Variants in STXBP5L observed in about 807,000 individuals in gnomAD.
STXBP5L encodes syntaxin-binding protein 5-like.
Under a neutral mutation model 144.5 loss-of-function variants are expected in STXBP5L, and 65 were observed. The observed-to-expected ratio is 0.45, with a 90% CI of 0.37 to 0.55. The LOEUF is 0.55. Among genes scored for constraint, STXBP5L ranks in the 20% least tolerant of loss-of-function variants. The pLI is 0.00. For missense variants in STXBP5L, 1,298 were observed against 1,405.5 expected, an observed-to-expected ratio of 0.92 and a Z score of 1.22; for synonymous variants, 505 against 469.6, an observed-to-expected ratio of 1.08 and a Z score of -0.97.
intron 22 of STXBP5L, among the ~76,000 whole-genome samples, chr3:121,394,960 C>G (rs1464300501): frequency 6.6e-6 from 1 of 151,896 alleles, no homozygotes. Context: ...GTATTATTAT[C>G]AAAAATAAAA....
chr3:121,368,672 C>T lies in STXBP5L; in HGVS notation c.2177-10044C>T, dbSNP rs148783248. On this transcript the variant is annotated intron_variant, in intron 20 of 26. Transcript: ENST00000471454. ...GCTTTAGGTTTTATTTATTAATTTGCTTTATAGTTGTAATCTGTCTCTGTG... is the reference window on the plus strand; with the variant it reads ...GCTTTAGGTTTTATTTATTAATTTGTTTTATAGTTGTAATCTGTCTCTGTG... Among the ~76,000 whole-genome samples the T allele has an allele frequency of 2.7e-3, 413 of 151,952 alleles. 3 individuals carry two copies. Among genetic ancestry groups the T allele is most frequent in the African/African-American group, 9.0e-3 (372 of 41,468 alleles).
chr3:121,008,353 A>G (rs1037939819), intron 3 of STXBP5L, among the ~76,000 whole-genome samples: 4 of 151,930 alleles, frequency 2.6e-5, no homozygotes, highest in Admixed American at 6.6e-5. Context: ...TGTAATTCTT[A>G]TATCCCCTTG....
chr3:120,965,759 G>A (rs1294170883), intron 3 of STXBP5L, among the ~76,000 whole-genome samples: 1 of 152,098 alleles, frequency 6.6e-6, no homozygotes, highest in East Asian at 1.9e-4. Context: ...GTGTCTTGGG[G>A]TTGCTCTTCT....
rs1262307210 is a variant in STXBP5L at position 121,293,326 on chromosome 3, A to C, written c.2110+13370A>C. ...ATTGCCTGGGAATGGGAAGGGACAC[A>C]TATGGTGAGGGCTGGAAGAGAGGGT... is the stretch of plus-strand genomic sequence containing the variant. On this transcript the variant is annotated intron_variant, in intron 19 of 26. Transcript: ENST00000471454. Among the ~76,000 whole-genome samples the C allele has an allele frequency of 2.0e-5, 3 of 152,312 alleles. No homozygotes were observed. In the East Asian group the frequency reaches 5.8e-4, roughly 29 times the overall value.
chr3:121,297,200 ATATG>A (rs1443308373), intron 19 of STXBP5L, among the ~76,000 whole-genome samples: 2 of 68,824 alleles, frequency 2.9e-5, no homozygotes, highest in Admixed American at 1.8e-4. Flanking sequence ...ATTCTACATT[ATATG>A]TGTGTGTGTG....
intron 5 of STXBP5L, among the ~76,000 whole-genome samples, chr3:121,046,160 T>C (rs965155436): frequency 6.6e-6 from 1 of 152,214 alleles, no homozygotes; most frequent in Non-Finnish European, 1.5e-5. Context: ...ATGTAGTAGA[T>C]CGCATTTATG....
At chr3:121,344,808 G>T (rs1254926019) in intron 20 of STXBP5L, among the ~76,000 whole-genome samples, 2 of 151,610 alleles carry the variant, frequency 1.3e-5, no homozygotes, top group Non-Finnish European at 2.9e-5. Flanking sequence ...GAAATCAATT[G>T]ATACTATACA....
intron 3 of STXBP5L, among the ~76,000 whole-genome samples, chr3:120,974,541 G>A (rs766206665): frequency 1.3e-5 from 2 of 151,952 alleles, no homozygotes; most frequent in Non-Finnish European, 2.9e-5. Flanking sequence ...AAGCTCTTTA[G>A]TTTAATTAGA....
intron 10 of STXBP5L, among the ~76,000 whole-genome samples, chr3:121,222,679 G>A (rs1224719289): frequency 6.6e-6 from 1 of 152,078 alleles, no homozygotes; most frequent in Admixed American, 6.6e-5. Context: ...TTTAGAGTTT[G>A]GGAACCAAGT....
chr3:121,083,800 T>C (rs2042362305), intron 5 of STXBP5L, among the ~76,000 whole-genome samples: 1 of 152,216 alleles, frequency 6.6e-6, no homozygotes, highest in Non-Finnish European at 1.5e-5. Flanking sequence ...ACAGGGATAT[T>C]CAGCCTATTT....
At chr3:121,228,625 C>T (rs1273294236) in intron 11 of STXBP5L, among the ~76,000 whole-genome samples, 2 of 152,122 alleles carry the variant, frequency 1.3e-5, no homozygotes, top group Non-Finnish European at 2.9e-5. Context: ...GCCTGTAATC[C>T]CAACACTTTG....
intron 7 of STXBP5L, among the ~76,000 whole-genome samples, chr3:121,139,526 T>G (rs1024711058): frequency 6.6e-6 from 1 of 152,092 alleles, no homozygotes; most frequent in African/African-American, 2.4e-5. Context: ...CTAGGCAATG[T>G]GGCTCAGAGT....
chr3:121,272,677 ATT>A (rs2108422842), intron 18 of STXBP5L, among the ~76,000 whole-genome samples: 1 of 152,214 alleles, frequency 6.6e-6, no homozygotes, highest in Admixed American at 6.5e-5. Flanking sequence ...TTTTTAATGG[ATT>A]CTTTGTCCTT....
intron 9 of STXBP5L, among the ~76,000 whole-genome samples, chr3:121,196,178 T>G (rs2108191691): frequency 6.6e-6 from 1 of 152,206 alleles, no homozygotes; most frequent in African/African-American, 2.4e-5. Flanking sequence ...TTTTTTTTTT[T>G]TAAGACAGTC....
chr3:121,013,746 A>G (rs1944946528), intron 3 of STXBP5L, among the ~76,000 whole-genome samples: 1 of 151,498 alleles, frequency 6.6e-6, no homozygotes, highest in Non-Finnish European at 1.5e-5. Flanking sequence ...TATTTCCTAG[A>G]TTTTCTTCTA....
chr3:121,014,243 T>A (rs1395356742), intron 3 of STXBP5L, among the ~76,000 whole-genome samples: 1 of 152,006 alleles, frequency 6.6e-6, no homozygotes, highest in Non-Finnish European at 1.5e-5. Flanking sequence ...GACATTTTAA[T>A]GATATTAATT....
chr3:121,401,760 G>GAA (rs1374944116), intron 22 of STXBP5L, among the ~76,000 whole-genome samples: 1 of 117,880 alleles, frequency 8.5e-6, no homozygotes, highest in Admixed American at 8.9e-5. Context: ...CGGGGGAGGG[G>GAA]GGAGGGATAG....
At chr3:121,068,974 C>T (rs1468177061) in intron 5 of STXBP5L, among the ~76,000 whole-genome samples, 1 of 151,928 alleles carries the variant, frequency 6.6e-6, no homozygotes. Flanking sequence ...TTCAATTCAC[C>T]CCATATGTTA....
At chr3:121,344,056 G>A (rs1377158270) in intron 20 of STXBP5L, among the ~76,000 whole-genome samples, 2 of 152,008 alleles carry the variant, frequency 1.3e-5, no homozygotes, top group East Asian at 1.9e-4. Context: ...CAGAGATATA[G>A]ATCAATGGAA....
Sources: allele counts gnomAD v4.1 joint callset (sites outside exome capture counted in the v4.1 genomes callset), GRCh38; gene constraint gnomAD v4.1.1; transcripts MANE v1.5; gene names NCBI Gene and HGNC (gene_info 2026-07-23, HGNC 2026-07-21).